Variants in ADGRG6 observed in about 807,000 individuals in gnomAD.
The protein encoded by ADGRG6 is G-protein coupled receptor 126.
In ADGRG6, 84 loss-of-function variants were observed where a neutral mutation model predicts 142.4. That is an observed-to-expected ratio of 0.59 (90% CI 0.49 to 0.71). The LOEUF is 0.71. Among genes scored for constraint, ADGRG6 ranks in the 30% least tolerant of loss-of-function variants. ADGRG6 has a pLI of 0.00. For synonymous variants in ADGRG6, 521 were observed against 520.5 expected (o/e 1.00, Z -0.01); for missense variants, 1,367 against 1,466.6 (o/e 0.93, Z 1.11).
At chr6:142,402,883 A>G in intron 13 of ADGRG6, 53 bp downstream of exon 13, 9 of 923,508 alleles carry the variant, frequency 9.7e-6, no homozygotes, top group Non-Finnish European at 1.5e-5. Context: ...ATGATGTTAC[A>G]TGATTTCTCA....
At chr6:142,395,767 G>A (rs1480883989) in intron 9 of ADGRG6, among the ~76,000 whole-genome samples, 2 of 151,776 alleles carry the variant, frequency 1.3e-5, no homozygotes, top group Non-Finnish European at 2.9e-5. Context: ...TACCCTCATT[G>A]GTGAGGCTTT....
At chr6:142,317,556 CAT>C (rs1375189903) in intron 2 of ADGRG6, among the ~76,000 whole-genome samples, 1 of 149,312 alleles carries the variant, frequency 6.7e-6, no homozygotes, top group Middle Eastern at 3.2e-3. Context: ...TTACAGAGAA[CAT>C]AGAGTTAATG....
chr6:142,374,809 G>A (rs1742462514), intron 4 of ADGRG6, among the ~76,000 whole-genome samples: 2 of 152,126 alleles, frequency 1.3e-5, no homozygotes, highest in African/African-American at 4.8e-5. Flanking sequence ...AGAACTATAT[G>A]TGTTTATGGT....
At chr6:142,341,642 AT>A (rs1562324237) in intron 2 of ADGRG6, among the ~76,000 whole-genome samples, 2 of 133,062 alleles carry the variant, frequency 1.5e-5, no homozygotes, top group African/African-American at 5.6e-5. Flanking sequence ...TATAATATAT[AT>A]AATATATACT....
chr6:142,440,968 C>A (rs1253604407), intron 24 of ADGRG6: 2 of 1,432,976 alleles, frequency 1.4e-6, no homozygotes, highest in South Asian at 1.4e-5. Flanking sequence ...ACTTTCGTTA[C>A]TTTTTTGAAT....
intron 2 of ADGRG6, among the ~76,000 whole-genome samples, chr6:142,366,899 C>G (rs1026616648): frequency 1.3e-5 from 2 of 151,944 alleles, no homozygotes; most frequent in Middle Eastern, 3.2e-3. Context: ...GATGAGCCCA[C>G]AAGCATATAA....
intron 4 of ADGRG6, among the ~76,000 whole-genome samples, chr6:142,377,980 T>G (rs1022976993): frequency 6.6e-6 from 1 of 152,198 alleles, no homozygotes; most frequent in Admixed American, 6.5e-5. Flanking sequence ...TAGTGTTTAT[T>G]GAGTGTTTAA....
chr6:142,440,905 T>C (rs902223835), intron 24 of ADGRG6: 12 of 1,429,408 alleles, frequency 8.4e-6, no homozygotes, highest in Non-Finnish European at 1.1e-5. Flanking sequence ...GTTTATGGTA[T>C]AGATAATGTC....
At chr6:142,400,913 T>C (rs1775487344) in intron 11 of ADGRG6, 1 of 195,602 alleles carries the variant, frequency 5.1e-6, no homozygotes, top group Non-Finnish European at 1.0e-5. Flanking sequence ...AACATGCGTC[T>C]GGAATTCCGA....
At chr6:142,385,768 C>T (rs1781990396) in intron 6 of ADGRG6, among the ~76,000 whole-genome samples, 1 of 151,996 alleles carries the variant, frequency 6.6e-6, no homozygotes, top group Non-Finnish European at 1.5e-5. Context: ...TTGATGTAAT[C>T]AAATTTGAAA....
intron 2 of ADGRG6, among the ~76,000 whole-genome samples, chr6:142,325,301 G>A (rs576660692): frequency 3.9e-5 from 6 of 152,140 alleles, no homozygotes; most frequent in African/African-American, 1.4e-4. Context: ...CCTTCCTCCG[G>A]GTTCCCATAG....
intron 21 of ADGRG6, among the ~76,000 whole-genome samples, chr6:142,418,907 CA>C (rs1008303280): frequency 6.6e-6 from 1 of 152,062 alleles, no homozygotes; most frequent in Non-Finnish European, 1.5e-5. Context: ...TATTATTTGA[CA>C]ACTTTGCATA....
intron 2 of ADGRG6, among the ~76,000 whole-genome samples, chr6:142,340,016 TAGG>T (rs1779536869): frequency 1.3e-5 from 2 of 152,142 alleles, no homozygotes; most frequent in Non-Finnish European, 1.5e-5. Context: ...AGAAATTAGA[TAGG>T]GCTAAGCTAC....
chr6:142,365,818 T>C (rs1219033091), intron 2 of ADGRG6, among the ~76,000 whole-genome samples: 1 of 152,180 alleles, frequency 6.6e-6, no homozygotes, highest in Non-Finnish European at 1.5e-5. Context: ...AACATCGAAT[T>C]AGTCCTTGAA....
chr6:142,379,599 C>A (rs915676977), intron 4 of ADGRG6, among the ~76,000 whole-genome samples: 1 of 152,068 alleles, frequency 6.6e-6, no homozygotes, highest in Non-Finnish European at 1.5e-5. Context: ...AACCCTGTCT[C>A]TACTAAAAAT....
At chr6:142,332,415 G>T (rs1204512658) in intron 2 of ADGRG6, among the ~76,000 whole-genome samples, 1 of 151,308 alleles carries the variant, frequency 6.6e-6, no homozygotes, top group Non-Finnish European at 1.5e-5. Flanking sequence ...AGTAAATTTT[G>T]TAAATTTCTG....
chr6:142,398,675 C>T (rs534115865), intron 10 of ADGRG6, among the ~76,000 whole-genome samples: 8 of 152,174 alleles, frequency 5.3e-5, no homozygotes, highest in South Asian at 2.1e-4. Context: ...CCACTCCCAC[C>T]GGCAACCTCA....
intron 6 of ADGRG6, among the ~76,000 whole-genome samples, chr6:142,387,221 C>T (rs1782073238): frequency 1.3e-5 from 2 of 152,156 alleles, no homozygotes; most frequent in Non-Finnish European, 2.9e-5. Context: ...ATTATTATTC[C>T]ATTCCAAATC....
At chr6:142,336,526 G>T (rs964787294) in intron 2 of ADGRG6, among the ~76,000 whole-genome samples, 1 of 152,100 alleles carries the variant, frequency 6.6e-6, no homozygotes, top group Non-Finnish European at 1.5e-5. Context: ...TAGCTTATCT[G>T]TTACATGGTA....
Sources: allele counts gnomAD v4.1 joint callset (sites outside exome capture counted in the v4.1 genomes callset), GRCh38; gene constraint gnomAD v4.1.1; transcripts MANE v1.5; gene names NCBI Gene and HGNC (gene_info 2026-07-23, HGNC 2026-07-21).